Variants in GLMN observed in about 807,000 individuals in gnomAD.
The protein encoded by GLMN is glomulin, FKBP associated protein, also known as glomulin.
Under a neutral mutation model 87.8 loss-of-function variants are expected in GLMN, and 75 were observed. That is an observed-to-expected ratio of 0.85 (90% CI 0.71 to 1.04). The LOEUF is 1.04. Among genes scored for constraint, GLMN ranks in the 50% least tolerant of loss-of-function variants. GLMN has a pLI of 0.00. For missense variants in GLMN, 588 were observed against 658.8 expected, an observed-to-expected ratio of 0.89 and a Z score of 1.18; for synonymous variants, 206 against 221.6, an observed-to-expected ratio of 0.93 and a Z score of 0.63.
the GLMN span, among the ~76,000 whole-genome samples, chr1:92,354,245 G>A: frequency 2.1e-3 from 313 of 152,164 alleles, 3 homozygotes; most frequent in Middle Eastern, 6.8e-3. Flanking sequence ...CCTTAGCATC[G>A]GGGTCTGCCA....
upstream of GLMN, chr1:92,300,240 G>A (rs1650721638): frequency 6.2e-7 from 1 of 1,605,620 alleles, no homozygotes; most frequent in Non-Finnish European, 8.5e-7. Context: ...CTTCTAAAAG[G>A]TATGACAGCT....
At chr1:92,307,186 A>C in the GLMN span, 2 of 1,604,646 alleles carry the variant, frequency 1.2e-6, no homozygotes, top group South Asian at 1.1e-5. Context: ...TGTTCTTTTC[A>C]GTCTTTTTGC....
In GLMN at chr1:92,247,046, G is replaced by T. The variant is rs1272942940; in HGVS notation, c.1668+16C>A. 7.5e-7 allele frequency: 1 copy of T among 1,338,556 alleles called. No individual in the cohort carries two copies. Among genetic ancestry groups the T allele is most frequent in the Non-Finnish European group, 1.1e-6 (1 of 935,842 alleles). 82.9% of individuals were successfully genotyped at this position (1,338,556 alleles called of 1,614,324 possible). On this transcript the variant is annotated intron_variant, in intron 18 of 18. Transcript: ENST00000370360. ...TCTAAAGAAGAAAAAGGAAAGAAAA[G>T]AAAATTTCAGATCACCTTAAGCTGC...
the GLMN span, among the ~76,000 whole-genome samples, chr1:92,309,786 T>C: frequency 6.6e-6 from 1 of 152,146 alleles, no homozygotes; most frequent in Non-Finnish European, 1.5e-5. Context: ...GAAAATAAAC[T>C]TGTGGGAATG....
At chr1:92,365,394 T>TAA in the GLMN span, among the ~76,000 whole-genome samples, 3 of 151,878 alleles carry the variant, frequency 2.0e-5, no homozygotes, top group Non-Finnish European at 2.9e-5. Context: ...GGGGAGGTTT[T>TAA]AAAAAAATAC....
chr1:92,325,351 G>A, the GLMN span, among the ~76,000 whole-genome samples: 1 of 152,070 alleles, frequency 6.6e-6, no homozygotes, highest in Non-Finnish European at 1.5e-5. Flanking sequence ...TATTTCTATA[G>A]AGTGTTGCTT....
the GLMN span, chr1:92,320,513 C>G: frequency 9.6e-7 from 1 of 1,039,684 alleles, no homozygotes; most frequent in African/African-American, 1.6e-5. Context: ...CCTCGAGATC[C>G]GCCTGCCCAG....
intron 16 of GLMN, among the ~76,000 whole-genome samples, chr1:92,262,117 C>G (rs1268362221): frequency 6.6e-6 from 1 of 151,960 alleles, no homozygotes; most frequent in Non-Finnish European, 1.5e-5. Context: ...TTCTCATAAA[C>G]CTTCATCCCA....
intron 16 of GLMN, among the ~76,000 whole-genome samples, chr1:92,260,816 T>C (rs921320520): frequency 3.3e-5 from 5 of 151,640 alleles, no homozygotes; most frequent in African/African-American, 1.2e-4. Flanking sequence ...TGTATCCTTT[T>C]CTTCACCATA....
At chr1:92,318,721 G>C in the GLMN span, among the ~76,000 whole-genome samples, 7 of 152,016 alleles carry the variant, frequency 4.6e-5, no homozygotes, top group South Asian at 1.5e-3. Context: ...CTTGCTTTAT[G>C]ATTTATTTGT....
chr1:92,354,156 T>TA, the GLMN span, among the ~76,000 whole-genome samples: 1 of 152,142 alleles, frequency 6.6e-6, no homozygotes, highest in South Asian at 2.1e-4. Flanking sequence ...AGCCAGTCCC[T>TA]AGATCTGCTA....
chr1:92,346,826 G>A, the GLMN span, among the ~76,000 whole-genome samples: 1 of 152,082 alleles, frequency 6.6e-6, no homozygotes, highest in African/African-American at 2.4e-5. Flanking sequence ...TTTTCAGCTT[G>A]AATTGTAAAA....
chr1:92,254,716 A>G (rs2100812550), intron 16 of GLMN, among the ~76,000 whole-genome samples: 1 of 152,292 alleles, frequency 6.6e-6, no homozygotes, highest in South Asian at 2.1e-4. Flanking sequence ...ATGCTGAGAG[A>G]TTTTTGTCAC....
the GLMN span, among the ~76,000 whole-genome samples, chr1:92,356,614 T>A: frequency 1.1e-4 from 16 of 150,448 alleles, no homozygotes; most frequent in African/African-American, 3.9e-4. Flanking sequence ...TCTGTATTTT[T>A]AGTAGAGATG....
chr1:92,333,460 A>G, the GLMN span: 1 of 1,611,684 alleles, frequency 6.2e-7, no homozygotes, highest in African/African-American at 1.3e-5. Flanking sequence ...CGTACTTGAA[A>G]AGTTGAGTAA....
the GLMN span, among the ~76,000 whole-genome samples, chr1:92,360,463 C>A: frequency 1.3e-5 from 2 of 152,046 alleles, no homozygotes; most frequent in South Asian, 2.1e-4. Flanking sequence ...AGTTTATAAT[C>A]CAATATGATA....
At chr1:92,346,544 A>G in the GLMN span, among the ~76,000 whole-genome samples, 1 of 152,164 alleles carries the variant, frequency 6.6e-6, no homozygotes, top group African/African-American at 2.4e-5. Context: ...TTAGTAGTCT[A>G]TTATATTAAC....
chr1:92,278,118 G>A (rs945708096), intron 7 of GLMN, among the ~76,000 whole-genome samples: 38 of 152,166 alleles, frequency 2.5e-4, no homozygotes, highest in Admixed American at 2.5e-3. Context: ...AGGGGGCAGG[G>A]CAGGGAACTC....
chr1:92,274,278 T>C (rs1411853147), intron 7 of GLMN, among the ~76,000 whole-genome samples: 1 of 152,222 alleles, frequency 6.6e-6, no homozygotes, highest in Non-Finnish European at 1.5e-5. Context: ...GTCTGATTTC[T>C]GGTGGGAGAT....
Sources: gnomAD v4.1 joint callset for allele counts (sites outside exome capture counted in the v4.1 genomes callset) on GRCh38, gnomAD v4.1.1 for gene constraint, MANE v1.5 for transcripts, NCBI Gene and HGNC (gene_info 2026-07-23, HGNC 2026-07-21) for gene names.